Variants in BAIAP2L2 observed in about 807,000 individuals in gnomAD.
The protein encoded by BAIAP2L2 is BAR/IMD domain containing adaptor protein 2 like 2.
BAIAP2L2 carries 65 observed loss-of-function variants against 60.4 expected under a neutral mutation model. That is an observed-to-expected ratio of 1.08 (90% confidence interval 0.88 to 1.32). The LOEUF (loss-of-function observed/expected upper bound fraction) is 1.32. Ranked by LOEUF, BAIAP2L2 falls within the 40% of genes most tolerant of loss-of-function variation. The pLI is 0.00. For synonymous variants in BAIAP2L2, 344 were observed against 301.7 expected (o/e 1.14, Z -1.45); for missense variants, 836 against 741.2 (o/e 1.13, Z -1.48).
chr22:38,089,381 G>A lies in BAIAP2L2; in HGVS notation c.765+141C>T, dbSNP rs1205681686. ...ACCACGGGGGCGCGGAGAACGCGCC[G>A]GGGCGGAAGGGCAGGCCGGGGGATG... On this transcript the variant is annotated intron_variant, in intron 8 of 13. Coordinates refer to ENST00000381669, the MANE Select transcript of BAIAP2L2 (RefSeq NM_025045.6). 1.0e-5 allele frequency: 6 copies of A among 585,072 alleles called. No homozygotes were observed. In the East Asian group the frequency reaches 2.1e-4, roughly 21 times the overall value. 36.2% of individuals were successfully genotyped at this position (585,072 alleles called of 1,614,324 possible). A position where few individuals can be genotyped will look rare whatever the true frequency, so the allele number is the denominator to read the frequency against.
At position 38,097,124 on chromosome 22, in the gene BAIAP2L2, G is replaced by T. The variant is rs377495698; in HGVS notation, c.520C>A (p.Arg174=). The change falls in exon 7 of 14, where the codon CGG becomes AGG. Residue 174 remains arginine (R), a synonymous_variant. Coordinates refer to ENST00000381669, the MANE Select transcript of BAIAP2L2 (RefSeq NM_025045.6). ...CGCTTCTCTTCCAATTCAGCCGCCC[G>T]CTGACTCTCAGACACGAAGGCCTGC... ...QMQAFVSESQ[R]AAELEEKRRY... is the part of the protein sequence containing the mutation. The T allele has an allele frequency of 3.1e-6, 5 of 1,613,846 alleles. No individual in the cohort carries two copies. In the African/African-American group the frequency reaches 6.7e-5, roughly 22 times the overall value.
chr22:38,109,244 A>G, intron 1 of BAIAP2L2, 36 bp from the exon 2 acceptor site: 1 of 1,540,960 alleles, frequency 6.5e-7, no homozygotes, highest in Non-Finnish European at 9.0e-7. Flanking sequence ...AAAGGTGTAG[A>G]GATGGGGGAG....
At position 38,107,892 on chromosome 22, in the gene BAIAP2L2, G is replaced by T; in HGVS notation, c.236C>A (p.Ser79Tyr). Residue 79 changes from serine (S) to tyrosine (Y), a missense_variant, in exon 4 of 14, where the codon TCT becomes TAT. By Grantham distance (144) the Ser-to-Tyr change is moderately radical. Coordinates refer to ENST00000381669, the MANE Select transcript of BAIAP2L2 (RefSeq NM_025045.6). ...AGAGTTCAAGTGCCGCTGGGTGTCAGACATCTGCACCAAGATCTCCCCTGG... is the reference window on the plus strand; with the variant it reads ...AGAGTTCAAGTGCCGCTGGGTGTCATACATCTGCACCAAGATCTCCCCTGG... ...QILGEILVQM[S>Y]DTQRHLNSDL... is the part of the protein sequence containing the mutation. 2 of 1,613,524 alleles carry T rather than the reference G, an allele frequency of 1.2e-6. No homozygotes were observed. Among genetic ancestry groups the T allele is most frequent in the Non-Finnish European group, 1.7e-6 (2 of 1,179,946 alleles).
chr22:38,108,634 G>A (rs989706378), intron 2 of BAIAP2L2, among the ~76,000 whole-genome samples: 4 of 152,148 alleles, frequency 2.6e-5, no homozygotes, highest in Non-Finnish European at 4.4e-5. Context: ...GCAGGTATGA[G>A]CGGCCACAGC....
At position 38,098,493 on chromosome 22, in the gene BAIAP2L2, T is replaced by G; in HGVS notation, c.277-11A>C. On this transcript the variant is annotated splice_polypyrimidine_tract_variant and intron_variant, in intron 4 of 13. Coordinates refer to ENST00000381669, the MANE Select transcript of BAIAP2L2 (RefSeq NM_025045.6). ...ATGGAATGTCTGCACCTGAGCGGAG[T>G]GCAGGGTGAGGGTGATCAAGGCCCC... The G allele has an allele frequency of 6.2e-7, 1 of 1,612,102 alleles. No individual in the cohort carries two copies. The highest frequency in any genetic ancestry group is 8.5e-7 in the Non-Finnish European group (1 of 1,178,688).
chr22:38,094,551 C>T (rs1438993100), intron 7 of BAIAP2L2, among the ~76,000 whole-genome samples: 2 of 152,162 alleles, frequency 1.3e-5, no homozygotes, highest in Non-Finnish European at 2.9e-5. Context: ...GTGATGGATG[C>T]ATGACTCTGT....
intron 4 of BAIAP2L2, among the ~76,000 whole-genome samples, chr22:38,101,815 T>C (rs568223619): frequency 7.6e-5 from 11 of 145,268 alleles, no homozygotes; most frequent in South Asian, 4.4e-4. Flanking sequence ...GATGGCGCCA[T>C]TGCACTCCAG....
chr22:38,087,661 C>T (rs1338194930), intron 10 of BAIAP2L2, among the ~76,000 whole-genome samples: 1 of 151,970 alleles, frequency 6.6e-6, no homozygotes, highest in East Asian at 1.9e-4. Flanking sequence ...CCCCACTGAC[C>T]CCCTTCCGTT....
At chr22:38,096,951 G>C in intron 7 of BAIAP2L2, 81 bp downstream of exon 7, 2 of 1,471,672 alleles carry the variant, frequency 1.4e-6, no homozygotes, top group East Asian at 2.5e-5. Context: ...GGGAAGAAGG[G>C]AGGGAAACCT....
rs547724416 is a variant in BAIAP2L2 at position 38,086,228 on chromosome 22, G to A, written c.1467+14C>T. ...CCCGCTGGAGGCCCCAAGAGAGGGC[G>A]GGCAAGGGCTCACCTTGACGTCAGT... On this transcript the variant is annotated intron_variant, in intron 12 of 13. Coordinates refer to ENST00000381669, the MANE Select transcript of BAIAP2L2 (RefSeq NM_025045.6). 3.6e-4 allele frequency: 581 copies of A among 1,608,612 alleles called. 2 individuals are homozygous for A. In the Admixed American group the frequency reaches 8.3e-3, roughly 23 times the overall value.
rs2086822946 is a variant in BAIAP2L2 at position 38,110,507 on chromosome 22, G to C, written c.19C>G (p.Gln7Glu). The C allele has an allele frequency of 6.2e-7, 1 of 1,611,556 alleles. No individual in the cohort carries two copies. The highest frequency in any genetic ancestry group is 8.5e-7 in the Non-Finnish European group (1 of 1,178,922). Residue 7 changes from glutamine (Q) to glutamate (E), a missense_variant, in exon 1 of 14, where the codon CAG (glutamine) becomes GAG (glutamate). Transcript: ENST00000381669. MAPEMD[Q>E]FYRSTMAIYK... ...ATGGCCATGGTGGACCTGTAGAACT[G>C]GTCCATCTCGGGGGCCATGGAGGGG...
chr22:38,104,084 C>T (rs2086616380), intron 4 of BAIAP2L2, among the ~76,000 whole-genome samples: 1 of 152,150 alleles, frequency 6.6e-6, no homozygotes, highest in African/African-American at 2.4e-5. Flanking sequence ...TATCTTGGAA[C>T]CTGATGAATA....
chr22:38,097,017 C>G lies in BAIAP2L2; in HGVS notation c.612+15G>C, dbSNP rs747731081. 22 of 1,605,266 alleles carry G rather than the reference C, an allele frequency of 1.4e-5. No homozygotes were observed. In the Admixed American group the frequency reaches 1.7e-4, roughly 12 times the overall value. On this transcript the variant is annotated intron_variant, in intron 7 of 13. Coordinates refer to ENST00000381669, the MANE Select transcript of BAIAP2L2 (RefSeq NM_025045.6). Reference sequence around the variant, plus strand: ...CCTAGAAGCGCCCCGCTTGCTGCCCCCCAGTCCAACTCACCCGGCCGAAGA... The same window carrying G: ...CCTAGAAGCGCCCCGCTTGCTGCCCGCCAGTCCAACTCACCCGGCCGAAGA...
Position 38,086,995 on chromosome 22 carries a change from C to CAAA in BAIAP2L2, c.1259+126_1259+128dup, listed in dbSNP as rs566442023. On this transcript the variant is annotated intron_variant, in intron 11 of 13. Coordinates refer to ENST00000381669, the MANE Select transcript of BAIAP2L2 (RefSeq NM_025045.6). Reference sequence around the variant, plus strand: ...TGGGTGACAGGGTGAGACTCTGTCTCAAAAAAAAAAAAACAAAACAAAACA... The same window carrying CAAA: ...TGGGTGACAGGGTGAGACTCTGTCTCAAAAAAAAAAAAAAAACAAAACAAAACA... 4.1e-3 allele frequency: 3,690 copies of CAAA among 894,922 alleles called. 4 individuals carry two copies. Among genetic ancestry groups the CAAA allele is most frequent in the Middle Eastern group, 5.5e-3 (14 of 2,554 alleles). The allele number at this position is 894,922 out of a possible 1,614,324, so 55.4% of individuals were successfully genotyped here. A position where few individuals can be genotyped will look rare whatever the true frequency, so the allele number is the denominator to read the frequency against.
chr22:38,109,306 C>T, intron 1 of BAIAP2L2, 98 bp from the exon 2 acceptor site: 1 of 952,298 alleles, frequency 1.1e-6, no homozygotes, highest in Non-Finnish European at 1.6e-6. Context: ...GGACAGGGCA[C>T]CCCCAGCCCA....
chr22:38,099,197 T>C (rs1450046013), intron 4 of BAIAP2L2, among the ~76,000 whole-genome samples: 1 of 152,224 alleles, frequency 6.6e-6, no homozygotes, highest in Non-Finnish European at 1.5e-5. Context: ...TTGGACAAGT[T>C]GCCACCCATC....
At chr22:38,094,743 A>T (rs968612602) in intron 7 of BAIAP2L2, among the ~76,000 whole-genome samples, 1 of 152,078 alleles carries the variant, frequency 6.6e-6, no homozygotes, top group Non-Finnish European at 1.5e-5. Flanking sequence ...GGCAGATGAG[A>T]GCCTGAGCCG....
At chr22:38,106,855 T>C (rs530661157) in intron 4 of BAIAP2L2, among the ~76,000 whole-genome samples, 3 of 152,238 alleles carry the variant, frequency 2.0e-5, no homozygotes, top group Admixed American at 2.0e-4. Context: ...TTCTTTCCCC[T>C]GTGTCACTGA....
intron 12 of BAIAP2L2, 82 bp downstream of exon 12, chr22:38,086,160 G>A (rs1245923343): frequency 2.8e-6 from 4 of 1,450,600 alleles, no homozygotes; most frequent in Non-Finnish European, 3.8e-6. Context: ...CTGCCAGACA[G>A]CCGGTGACAG....
Sources: allele counts gnomAD v4.1 joint callset (sites outside exome capture counted in the v4.1 genomes callset), GRCh38; gene constraint gnomAD v4.1.1; transcripts MANE v1.5; gene names NCBI Gene and HGNC (gene_info 2026-07-23, HGNC 2026-07-21).